ANKS4B: variants seen among roughly 807,000 people sequenced by gnomAD.
ANKS4B encodes the protein ankyrin repeat and sterile alpha motif domain containing 4B.
A neutral mutation model predicts 20.2 loss-of-function variants in ANKS4B; 21 were observed. The ratio of observed to expected loss-of-function variants is 1.04; its 90% CI spans 0.74 to 1.50. ANKS4B has a LOEUF of 1.50. ANKS4B is among the 40% of genes most tolerant of loss of function. ANKS4B has a pLI of 0.00. For missense variants in ANKS4B, 473 were observed against 494.6 expected (o/e 0.96, Z 0.41); for synonymous variants, 179 against 194.5 (o/e 0.92, Z 0.66).
At chr16:21,244,199 T>C (rs1001519679) in intron 1 of ANKS4B, 1 of 150,404 alleles carries the variant, frequency 6.6e-6, no homozygotes, top group African/African-American at 2.5e-5. Context: ...CACTCATAAA[T>C]GGGAGTTGAA....
intron 1 of ANKS4B, among the ~76,000 whole-genome samples, 192 bp from the exon 2 acceptor site, chr16:21,249,539 C>A (rs2093336127): frequency 6.6e-6 from 1 of 152,084 alleles, no homozygotes; most frequent in Admixed American, 6.6e-5. Flanking sequence ...CTGTTTCTGG[C>A]CATGTGGTTT....
intron 1 of ANKS4B, among the ~76,000 whole-genome samples, chr16:21,245,202 T>G (rs1464969899): frequency 2.0e-5 from 3 of 152,230 alleles, no homozygotes; most frequent in Non-Finnish European, 4.4e-5. Context: ...CAATATTGTT[T>G]CCGCTTTGAT....
At chr16:21,245,689 T>A (rs2093331465) in intron 1 of ANKS4B, among the ~76,000 whole-genome samples, 1 of 152,138 alleles carries the variant, frequency 6.6e-6, no homozygotes, top group African/African-American at 2.4e-5. Flanking sequence ...GGTCTCAAAC[T>A]CCTGGCCTCC....
intron 1 of ANKS4B, among the ~76,000 whole-genome samples, chr16:21,241,032 G>A (rs765670534): frequency 2.0e-5 from 3 of 152,132 alleles, no homozygotes; most frequent in South Asian, 2.1e-4. Flanking sequence ...GACTTCAGGC[G>A]ATCCACCTGC....
chr16:21,244,722 A>G (rs1239735214), intron 1 of ANKS4B, among the ~76,000 whole-genome samples: 3 of 152,126 alleles, frequency 2.0e-5, no homozygotes, highest in Non-Finnish European at 2.9e-5. Context: ...CCACATGTTT[A>G]GGGGGGAGAC....
intron 1 of ANKS4B, among the ~76,000 whole-genome samples, chr16:21,243,676 A>G (rs987105600): frequency 3.3e-5 from 5 of 152,086 alleles, no homozygotes; most frequent in African/African-American, 2.4e-5. Context: ...GGTTCACGCC[A>G]TTCTCCTGCC....
intron 1 of ANKS4B, among the ~76,000 whole-genome samples, chr16:21,240,249 T>C (rs975069751): frequency 6.6e-6 from 1 of 152,148 alleles, no homozygotes; most frequent in Non-Finnish European, 1.5e-5. Flanking sequence ...ATGAAATTTC[T>C]TGGTTTTATT....
intron 1 of ANKS4B, among the ~76,000 whole-genome samples, chr16:21,242,945 T>A (rs1480583137): frequency 6.6e-6 from 1 of 152,236 alleles, no homozygotes; most frequent in Non-Finnish European, 1.5e-5. Flanking sequence ...CAGCAGTATT[T>A]CTTTCCCCAT....
chr16:21,238,220 T>A (rs2093322541), intron 1 of ANKS4B, among the ~76,000 whole-genome samples: 1 of 152,162 alleles, frequency 6.6e-6, no homozygotes, highest in Non-Finnish European at 1.5e-5. Context: ...GGCTTTAATG[T>A]TCTTTTCTTT....
chr16:21,249,915 C>G lies in ANKS4B; in HGVS notation c.349C>G (p.Leu117Val), dbSNP rs772531715. The G allele has an allele frequency of 3.1e-5, 50 of 1,614,060 alleles. No homozygotes were observed. The highest frequency in any genetic ancestry group is 4.0e-5 in the African/African-American group (3 of 74,926). Residue 117 changes from leucine to valine, a missense_variant, in exon 2 of 2, where the codon CTG becomes GTG. Coordinates refer to ENST00000311620, the MANE Select transcript of ANKS4B (RefSeq NM_145865.3). ...SREQNECVAL[L>V]DKAATAQNIM... ...GGAGCAGAATGAATGTGTTGCTCTC[C>G]TGGACAAGGCTGCCACTGCACAGAA...
intron 1 of ANKS4B, among the ~76,000 whole-genome samples, chr16:21,245,146 T>C (rs541249420): frequency 6.6e-6 from 1 of 152,336 alleles, no homozygotes; most frequent in East Asian, 1.9e-4. Context: ...AGAATTTCGC[T>C]TGAAATTCTG....
chr16:21,250,636 T>G lies in ANKS4B; in HGVS notation c.1070T>G (p.Leu357Arg). 1 of 1,614,010 alleles carries G rather than the reference T, an allele frequency of 6.2e-7. No individual in the cohort carries two copies. The highest frequency in any genetic ancestry group is 8.5e-7 in the Non-Finnish European group (1 of 1,179,874). ...GAAGTGTTCTTGCTGTCTCAGCACC[T>G]GGAAGAATTCCTGCCTATCTTCAAG... ...PLEVFLLSQH[L>R]EEFLPIFKRE... The change falls in exon 2 of 2, where the codon CTG becomes CGG. Residue 357 changes from leucine to arginine, a missense_variant. Coordinates refer to ENST00000311620, the MANE Select transcript of ANKS4B (RefSeq NM_145865.3).
intron 1 of ANKS4B, among the ~76,000 whole-genome samples, chr16:21,234,965 G>C (rs1350939924): frequency 1.3e-5 from 2 of 152,110 alleles, no homozygotes; most frequent in Admixed American, 1.3e-4. Context: ...CCTCCCATCT[G>C]AGCCTCCCGA....
intron 1 of ANKS4B, among the ~76,000 whole-genome samples, chr16:21,246,098 G>A (rs1156412699): frequency 6.6e-6 from 1 of 152,046 alleles, no homozygotes; most frequent in African/African-American, 2.4e-5. Context: ...TTTATTTTTC[G>A]TAGAAAGGGT....
At chr16:21,233,942 T>C (rs1224803329) in intron 1 of ANKS4B, 41 bp downstream of exon 1, 2 of 1,573,228 alleles carry the variant, frequency 1.3e-6, no homozygotes, top group Non-Finnish European at 1.7e-6. Context: ...ACAGTGTTCA[T>C]GGTAGGTTTT....
intron 1 of ANKS4B, among the ~76,000 whole-genome samples, chr16:21,244,835 C>T (rs893248611): frequency 5.9e-5 from 9 of 152,184 alleles, no homozygotes; most frequent in African/African-American, 2.2e-4. Context: ...TGGAAAGTGG[C>T]TTCCCAGCAA....
intron 1 of ANKS4B, among the ~76,000 whole-genome samples, chr16:21,246,046 A>G (rs1273663768): frequency 6.6e-6 from 1 of 152,222 alleles, no homozygotes; most frequent in Non-Finnish European, 1.5e-5. Flanking sequence ...TTGCAAAGAA[A>G]TAGTATTTGA....
chr16:21,250,661 G>C lies in ANKS4B; in HGVS notation c.1095G>C (p.Lys365Asn). ...QHLEEFLPIF[K>N]REQIDLEALL... Reference sequence around the variant, plus strand: ...TGGAAGAATTCCTGCCTATCTTCAAGAGAGAGCAGATTGATCTAGAAGCTC... The same window carrying C: ...TGGAAGAATTCCTGCCTATCTTCAACAGAGAGCAGATTGATCTAGAAGCTC... The change falls in exon 2 of 2, where the codon AAG becomes AAC. Residue 365 changes from lysine to asparagine, a missense_variant. Lys to Asn is a moderately conservative substitution (Grantham distance 94). Transcript: ENST00000311620. 6.2e-7 allele frequency: 1 copy of C among 1,613,902 alleles called. No homozygotes were observed. Among genetic ancestry groups the C allele is most frequent in the Non-Finnish European group, 8.5e-7 (1 of 1,179,776 alleles).
At chr16:21,246,446 A>G (rs2093332414) in intron 1 of ANKS4B, among the ~76,000 whole-genome samples, 1 of 152,208 alleles carries the variant, frequency 6.6e-6, no homozygotes, top group African/African-American at 2.4e-5. Context: ...AGTATAAAGT[A>G]TATTGATTTT....
Sources: gnomAD v4.1 joint callset for allele counts (sites outside exome capture counted in the v4.1 genomes callset) on GRCh38, gnomAD v4.1.1 for gene constraint, MANE v1.5 for transcripts, NCBI Gene and HGNC (gene_info 2026-07-23, HGNC 2026-07-21) for gene names.